Variants in BCKDHB observed in about 807,000 individuals in gnomAD.
The protein encoded by BCKDHB is branched chain keto acid dehydrogenase E1 subunit beta.
Under a neutral mutation model 48.5 loss-of-function variants are expected in BCKDHB, and 41 were observed. The observed-to-expected ratio is 0.85, with a 90% confidence interval of 0.66 to 1.10. BCKDHB has a LOEUF of 1.10. Among genes scored for constraint, BCKDHB ranks in the 50% least tolerant of loss-of-function variants. The probability of loss-of-function intolerance (pLI) is 0.00; values close to 1 mark genes in which losing one functional copy is unlikely to be tolerated. For missense variants in BCKDHB, 496 were observed against 494.2 expected (o/e 1.00, Z -0.03); for synonymous variants, 201 against 174.8 (o/e 1.15, Z -1.18).
intron 8 of BCKDHB, among the ~76,000 whole-genome samples, chr6:80,219,690 A>G (rs561302977): frequency 6.6e-6 from 1 of 152,262 alleles, no homozygotes; most frequent in African/African-American, 2.4e-5. Flanking sequence ...TAACTTTTTA[A>G]AGCAAAGGGC....
At chr6:80,418,138 G>C in the BCKDHB span, among the ~76,000 whole-genome samples, 1 of 152,022 alleles carries the variant, frequency 6.6e-6, no homozygotes, top group Non-Finnish European at 1.5e-5. Flanking sequence ...TAATATTTGT[G>C]ATTGCATTAT....
the BCKDHB span, among the ~76,000 whole-genome samples, chr6:80,419,072 G>A: frequency 6.6e-6 from 1 of 152,152 alleles, no homozygotes; most frequent in East Asian, 1.9e-4. Flanking sequence ...AGCAGGGCTG[G>A]CTGGCTCTTT....
chr6:80,129,905 A>G (rs1245542022), intron 3 of BCKDHB, among the ~76,000 whole-genome samples: 1 of 152,202 alleles, frequency 6.6e-6, no homozygotes. Context: ...ATACCTTCAC[A>G]ACAACTTCTA....
At chr6:80,431,235 T>G in the BCKDHB span, among the ~76,000 whole-genome samples, 140 of 152,310 alleles carry the variant, frequency 9.2e-4, no homozygotes, top group African/African-American at 3.3e-3. Context: ...GTGTTTTACT[T>G]CCAATTATGT....
At chr6:80,432,508 C>T in the BCKDHB span, among the ~76,000 whole-genome samples, 2 of 152,072 alleles carry the variant, frequency 1.3e-5, no homozygotes, top group African/African-American at 2.4e-5. Context: ...ACGAAGTTCT[C>T]GTGCTGTGTT....
At chr6:80,310,590 C>T (rs554034204) in intron 9 of BCKDHB, among the ~76,000 whole-genome samples, 1 of 152,104 alleles carries the variant, frequency 6.6e-6, no homozygotes, top group Non-Finnish European at 1.5e-5. Context: ...TATAACAGAA[C>T]CATTTATATT....
intron 1 of BCKDHB, among the ~76,000 whole-genome samples, chr6:80,116,040 A>T (rs1197326592): frequency 1.3e-5 from 2 of 152,210 alleles, no homozygotes; most frequent in Non-Finnish European, 2.9e-5. Context: ...TCTGTATCAT[A>T]GCTGTATATT....
At chr6:80,282,694 A>G (rs12191366) in intron 9 of BCKDHB, among the ~76,000 whole-genome samples, 1 of 152,084 alleles carries the variant, frequency 6.6e-6, no homozygotes, top group Non-Finnish European at 1.5e-5. Context: ...AGAAAAAAGA[A>G]AAAAACTTTA....
intron 9 of BCKDHB, among the ~76,000 whole-genome samples, chr6:80,316,220 A>G (rs1013134728): frequency 9.9e-5 from 15 of 152,232 alleles, no homozygotes; most frequent in African/African-American, 2.9e-4. Context: ...ATAAACCTCA[A>G]TGAATTATTT....
the BCKDHB span, among the ~76,000 whole-genome samples, chr6:80,410,841 G>A: frequency 7.9e-5 from 12 of 152,178 alleles, no homozygotes; most frequent in South Asian, 1.7e-3. Context: ...TTAGCCATTC[G>A]TCTAACCTTT....
chr6:80,365,717 C>T, the BCKDHB span, among the ~76,000 whole-genome samples: 19 of 151,780 alleles, frequency 1.3e-4, no homozygotes, highest in African/African-American at 4.6e-4. Context: ...AGGTGACGTA[C>T]ATCCTCAGCT....
At chr6:80,143,869 G>A (rs1476078968) in intron 3 of BCKDHB, among the ~76,000 whole-genome samples, 1 of 152,100 alleles carries the variant, frequency 6.6e-6, no homozygotes, top group South Asian at 2.1e-4. Context: ...ACTGGCTCTT[G>A]GAAACTCTAG....
the BCKDHB span, among the ~76,000 whole-genome samples, chr6:80,408,730 A>T: frequency 6.9e-6 from 1 of 145,532 alleles, no homozygotes; most frequent in Non-Finnish European, 1.5e-5. Context: ...TATTGCATCT[A>T]TTTGAGTCTT....
At chr6:80,169,833 A>AG in intron 5 of BCKDHB, 1 of 1,608,846 alleles carries the variant, frequency 6.2e-7, no homozygotes. Flanking sequence ...AGCTTATCTT[A>AG]GTTGAGTAGA....
At chr6:80,283,603 C>T (rs1247967569) in intron 9 of BCKDHB, among the ~76,000 whole-genome samples, 1 of 152,006 alleles carries the variant, frequency 6.6e-6, no homozygotes, top group East Asian at 1.9e-4. Context: ...GAAAGCATTA[C>T]TTTATTTAAA....
At chr6:80,365,036 C>T in the BCKDHB span, among the ~76,000 whole-genome samples, 1 of 152,034 alleles carries the variant, frequency 6.6e-6, no homozygotes, top group African/African-American at 2.4e-5. Context: ...GGTATAAGAA[C>T]AGGGAGTAGG....
At chr6:80,361,040 G>GAAAGTTATA in the BCKDHB span, among the ~76,000 whole-genome samples, 3 of 149,932 alleles carry the variant, frequency 2.0e-5, no homozygotes, top group Non-Finnish European at 4.4e-5. Context: ...AAAAAAATTA[G>GAAAGTTATA]AAAGTTATAT....
At chr6:80,331,946 A>G (rs1489847942) in intron 9 of BCKDHB, among the ~76,000 whole-genome samples, 3 of 150,824 alleles carry the variant, frequency 2.0e-5, no homozygotes, top group African/African-American at 7.3e-5. Context: ...AATTGTAAGC[A>G]TGCTCATTTG....
the BCKDHB span, among the ~76,000 whole-genome samples, chr6:80,433,040 T>G: frequency 6.6e-6 from 1 of 152,132 alleles, no homozygotes; most frequent in Admixed American, 6.5e-5. Context: ...GGAAGCTTCG[T>G]CTCAGAGGGG....
Sources: allele counts gnomAD v4.1 joint callset (sites outside exome capture counted in the v4.1 genomes callset), GRCh38; gene constraint gnomAD v4.1.1; transcripts MANE v1.5; gene names NCBI Gene and HGNC (gene_info 2026-07-23, HGNC 2026-07-21).